SIPA1L1: variants seen among roughly 807,000 people sequenced by gnomAD.
SIPA1L1 encodes signal induced proliferation associated 1 like 1.
In SIPA1L1, 26 loss-of-function variants were observed where a neutral mutation model predicts 162.7. The observed-to-expected ratio is 0.16, with a 90% CI of 0.12 to 0.22. The LOEUF (loss-of-function observed/expected upper bound fraction) is 0.22. SIPA1L1 is among the 10% of genes least tolerant of loss of function. The pLI is 1.00. For missense variants in SIPA1L1, 1,874 were observed against 2,241.0 expected, an observed-to-expected ratio of 0.84 and a Z score of 3.31; for synonymous variants, 829 against 837.4, an observed-to-expected ratio of 0.99 and a Z score of 0.17.
At chr14:71,627,648 T>A (rs936784824) in intron 7 of SIPA1L1, among the ~76,000 whole-genome samples, 1 of 152,176 alleles carries the variant, frequency 6.6e-6, no homozygotes, top group African/African-American at 2.4e-5. Context: ...TAAATACATA[T>A]TTCATTTTAC....
chr14:71,546,050 T>A (rs547482272), intron 4 of SIPA1L1, among the ~76,000 whole-genome samples: 23 of 151,968 alleles, frequency 1.5e-4, no homozygotes, highest in African/African-American at 3.9e-4. Context: ...CCCACTGCAC[T>A]CCAGCCTGGG....
chr14:71,639,540 C>T (rs997526801), intron 7 of SIPA1L1, among the ~76,000 whole-genome samples: 9 of 152,032 alleles, frequency 5.9e-5, no homozygotes, highest in South Asian at 4.1e-4. Context: ...ATCAAAATTC[C>T]GCCAAGGTTT....
intron 2 of SIPA1L1, among the ~76,000 whole-genome samples, chr14:71,432,419 C>T (rs2044057476): frequency 6.6e-6 from 1 of 152,144 alleles, no homozygotes; most frequent in Non-Finnish European, 1.5e-5. Context: ...AATTCCTTCC[C>T]TCGGGGTCTG....
chr14:71,740,950 T>C lies in SIPA1L1; in HGVS notation c.*1789T>C, dbSNP rs1360590497. 6.6e-6 allele frequency: 1 copy of C among 152,222 alleles called. No homozygotes were observed. The highest frequency in any genetic ancestry group is 2.4e-5 in the African/African-American group (1 of 41,450). The allele number at this position is 152,222 out of a possible 1,614,324, so 9.4% of individuals were successfully genotyped here. On this transcript the variant is annotated 3_prime_UTR_variant, in exon 24 of 24. Transcript: ENST00000381232. ...TGTTTGGGGACTTGGGGCAAGCTAT[T>C]TATTAGAGTTTTGCAACAGAGTTCT...
rs182893281 is a variant in SIPA1L1, at chr14:71,454,845, C to T, written c.-464-57898C>T. Among the ~76,000 whole-genome samples, 74 of 152,282 alleles carry T rather than the reference C, an allele frequency of 4.9e-4. 1 individual carries two copies. Among genetic ancestry groups the T allele is most frequent in the African/African-American group, 1.6e-3 (68 of 41,566 alleles). On this transcript the variant is annotated intron_variant, in intron 2 of 23. Coordinates refer to ENST00000381232, the MANE Select transcript of SIPA1L1 (RefSeq NM_001386936.1). Reference sequence around the variant, plus strand: ...GCCCTATAAGCTCTGGCTCTGTCTACCCGGTGTCACTGCGGTTACTCCCTT... The same window carrying T: ...GCCCTATAAGCTCTGGCTCTGTCTATCCGGTGTCACTGCGGTTACTCCCTT...
chr14:71,678,001 A>T (rs534930887), intron 12 of SIPA1L1, among the ~76,000 whole-genome samples: 4 of 152,240 alleles, frequency 2.6e-5, no homozygotes, highest in Middle Eastern at 3.4e-3. Flanking sequence ...GTATCCTGAG[A>T]CTTTGCTGAA....
At chr14:71,720,938 G>T (rs2150167544) in intron 17 of SIPA1L1, among the ~76,000 whole-genome samples, 1 of 152,220 alleles carries the variant, frequency 6.6e-6, no homozygotes, top group Non-Finnish European at 1.5e-5. Context: ...CTCTGGGATT[G>T]GTCACTGATG....
In SIPA1L1 at chr14:71,702,505, G is replaced by A. The variant is rs754676608; in HGVS notation, c.3646G>A (p.Glu1216Lys). The A allele has an allele frequency of 1.2e-6, 2 of 1,613,332 alleles. No homozygotes were observed. Among genetic ancestry groups the A allele is most frequent in the Non-Finnish European group, 1.7e-6 (2 of 1,179,568 alleles). Residue 1216 changes from glutamate to lysine, a missense_variant and splice_region_variant, in exon 15 of 24, where the codon GAG (glutamate) becomes AAG (lysine). Coordinates refer to ENST00000381232, the MANE Select transcript of SIPA1L1 (RefSeq NM_001386936.1). ...RSEDSIADQM[E>K]PTCHLPAVSK... is the part of the protein sequence containing the mutation. ...TGAGGATAGCATTGCTGACCAGATG[G>A]GTAAGTAATCAATTTCTACAAGAAG...
At chr14:71,501,796 G>A (rs1465761720) in intron 2 of SIPA1L1, among the ~76,000 whole-genome samples, 1 of 152,134 alleles carries the variant, frequency 6.6e-6, no homozygotes, top group Admixed American at 6.5e-5. Flanking sequence ...GCCAAGGTGG[G>A]AGGATTGCTT....
intron 2 of SIPA1L1, among the ~76,000 whole-genome samples, chr14:71,460,828 A>C (rs371683680): frequency 6.6e-6 from 1 of 152,188 alleles, no homozygotes; most frequent in African/African-American, 2.4e-5. Context: ...CAGAGCATAC[A>C]TGGCCTTCTG....
chr14:71,616,719 G>C (rs2038883219), intron 5 of SIPA1L1, among the ~76,000 whole-genome samples: 1 of 152,112 alleles, frequency 6.6e-6, no homozygotes, highest in Admixed American at 6.5e-5. Context: ...ATTGTCATTT[G>C]CCAAAATTGA....
intron 2 of SIPA1L1, among the ~76,000 whole-genome samples, chr14:71,440,683 A>C (rs2044775972): frequency 6.6e-6 from 1 of 151,142 alleles, no homozygotes; most frequent in Non-Finnish European, 1.5e-5. Flanking sequence ...GGAAAAGTAA[A>C]GAAAAAGAAA....
chr14:71,736,269 C>T (rs545252466), intron 22 of SIPA1L1, among the ~76,000 whole-genome samples: 6 of 152,278 alleles, frequency 3.9e-5, no homozygotes, highest in Non-Finnish European at 8.8e-5. Flanking sequence ...TGGTGGTGCA[C>T]ACCTGTAGTC....
At chr14:71,395,037 C>G (rs2041070880) in intron 2 of SIPA1L1, among the ~76,000 whole-genome samples, 1 of 152,028 alleles carries the variant, frequency 6.6e-6, no homozygotes, top group South Asian at 2.1e-4. Flanking sequence ...TAATTATAGC[C>G]AAATGTGCAG....
intron 4 of SIPA1L1, among the ~76,000 whole-genome samples, chr14:71,535,953 C>G (rs1160443154): frequency 2.6e-5 from 4 of 152,106 alleles, no homozygotes; most frequent in Non-Finnish European, 5.9e-5. Flanking sequence ...GTGTATCTGT[C>G]CCCTGCTACA....
Position 71,685,638 on chromosome 14 carries a change from G to A in SIPA1L1, c.3374+7G>A. On this transcript the variant is annotated splice_region_variant and intron_variant, in intron 13 of 23. Coordinates refer to ENST00000381232, the MANE Select transcript of SIPA1L1 (RefSeq NM_001386936.1). ...GGCGCCCACTAGAGAGGCGGTAAGT[G>A]TGCCTTCAAAGGTTTGCTCTATCTC... 1.2e-6 allele frequency: 2 copies of A among 1,613,708 alleles called. No homozygotes were observed. The highest frequency in any genetic ancestry group is 1.7e-6 in the Non-Finnish European group (2 of 1,179,752).
At chr14:71,609,441 TA>T (rs2037931618) in intron 5 of SIPA1L1, among the ~76,000 whole-genome samples, 4 of 69,766 alleles carry the variant, frequency 5.7e-5, no homozygotes, top group African/African-American at 3.9e-4. Flanking sequence ...GCTAATATTT[TA>T]TTTATTTATT....
At chr14:71,348,945 G>A (rs956496102) in intron 2 of SIPA1L1, among the ~76,000 whole-genome samples, 3 of 152,180 alleles carry the variant, frequency 2.0e-5, no homozygotes, top group African/African-American at 4.8e-5. Context: ...GGGAAACTTC[G>A]AGAACTGATA....
chr14:71,487,586 C>G (rs80139297), intron 2 of SIPA1L1, among the ~76,000 whole-genome samples: 83 of 152,194 alleles, frequency 5.5e-4, no homozygotes, highest in African/African-American at 2.0e-3. Flanking sequence ...AATGAGTGTG[C>G]ATGGGTGAGC....
Sources: allele counts gnomAD v4.1 joint callset (sites outside exome capture counted in the v4.1 genomes callset), GRCh38; gene constraint gnomAD v4.1.1; transcripts MANE v1.5; gene names NCBI Gene and HGNC (gene_info 2026-07-23, HGNC 2026-07-21).